The following RNF220 variants were observed in gnomAD, a reference collection of about 807,000 sequenced individuals.
RNF220 encodes E3 ubiquitin-protein ligase RNF220.
In RNF220, 7 loss-of-function variants were observed where a neutral mutation model predicts 67.1. The observed-to-expected ratio is 0.10, with a 90% CI of 0.06 to 0.20. The LOEUF is 0.20. Among genes scored for constraint, RNF220 ranks in the 10% least tolerant of loss-of-function variants. The pLI is 1.00. For synonymous variants in RNF220, 270 were observed against 283.2 expected, an observed-to-expected ratio of 0.95 and a Z score of 0.47; for missense variants, 565 against 740.3, an observed-to-expected ratio of 0.76 and a Z score of 2.75.
intron 2 of RNF220, among the ~76,000 whole-genome samples, chr1:44,501,046 G>GTGGGGA (rs1657808756): frequency 6.6e-6 from 1 of 150,844 alleles, no homozygotes; most frequent in South Asian, 2.1e-4. Context: ...GCAGAAGGCT[G>GTGGGGA]TGGGGGTGGG....
At chr1:44,567,320 G>A (rs1179312930) in intron 2 of RNF220, among the ~76,000 whole-genome samples, 1 of 152,102 alleles carries the variant, frequency 6.6e-6, no homozygotes, top group Non-Finnish European at 1.5e-5. Context: ...CATAGCAAGA[G>A]GGTGAAGGGA....
intron 2 of RNF220, among the ~76,000 whole-genome samples, chr1:44,570,309 G>A (rs1664342664): frequency 6.6e-6 from 1 of 152,162 alleles, no homozygotes; most frequent in East Asian, 1.9e-4. Flanking sequence ...ATCCAGCGCT[G>A]TCCCTTTCCC....
intron 2 of RNF220, among the ~76,000 whole-genome samples, chr1:44,467,403 G>A (rs1654371871): frequency 6.6e-6 from 1 of 152,206 alleles, no homozygotes; most frequent in Non-Finnish European, 1.5e-5. Flanking sequence ...TAGAGGCAGG[G>A]TTTCTCCATG....
At chr1:44,613,930 G>A (rs1357194463) in intron 2 of RNF220, among the ~76,000 whole-genome samples, 2 of 152,170 alleles carry the variant, frequency 1.3e-5, no homozygotes, top group Non-Finnish European at 2.9e-5. Flanking sequence ...CATGGGGGAT[G>A]TGTCCTAATA....
At chr1:44,630,508 G>A (rs1264688799) in intron 5 of RNF220, among the ~76,000 whole-genome samples, 3 of 152,242 alleles carry the variant, frequency 2.0e-5, no homozygotes, top group Non-Finnish European at 4.4e-5. Flanking sequence ...TCCCACTGGT[G>A]TCTCCTTCAT....
intron 2 of RNF220, among the ~76,000 whole-genome samples, chr1:44,448,313 G>A (rs566159696): frequency 6.6e-6 from 1 of 152,068 alleles, no homozygotes; most frequent in African/African-American, 2.4e-5. Flanking sequence ...TAAGTAAATC[G>A]ACATTCTGGT....
At chr1:44,524,647 T>C (rs1660221030) in intron 2 of RNF220, among the ~76,000 whole-genome samples, 1 of 152,268 alleles carries the variant, frequency 6.6e-6, no homozygotes, top group South Asian at 2.1e-4. Flanking sequence ...CTATTTTTAT[T>C]ACACGCTTAT....
chr1:44,543,167 C>A (rs913469165), intron 2 of RNF220, among the ~76,000 whole-genome samples: 3 of 152,146 alleles, frequency 2.0e-5, no homozygotes, highest in African/African-American at 7.2e-5. Flanking sequence ...CAGCCCATCC[C>A]CAGGCCTTCC....
chr1:44,462,818 G>C (rs1257846989), intron 2 of RNF220, among the ~76,000 whole-genome samples: 1 of 148,296 alleles, frequency 6.7e-6, no homozygotes, highest in African/African-American at 2.5e-5. Flanking sequence ...CACAAGGTCA[G>C]GAGATCGAGA....
intron 2 of RNF220, among the ~76,000 whole-genome samples, chr1:44,524,696 C>T (rs1468363300): frequency 6.6e-6 from 1 of 152,172 alleles, no homozygotes; most frequent in East Asian, 1.9e-4. Context: ...GATTTCCTTT[C>T]CTTTCTCCCC....
chr1:44,495,077 G>T (rs1473086196), intron 2 of RNF220, among the ~76,000 whole-genome samples: 1 of 152,078 alleles, frequency 6.6e-6, no homozygotes, highest in Admixed American at 6.5e-5. Context: ...GCTGGGTGTG[G>T]TGGCACACAC....
chr1:44,529,077 G>A, intron 2 of RNF220, among the ~76,000 whole-genome samples: 1 of 152,024 alleles, frequency 6.6e-6, no homozygotes, highest in East Asian at 1.9e-4. Context: ...CTTTATTTTA[G>A]TAATTCCCTT....
At chr1:44,620,635 G>A (rs985122694) in intron 3 of RNF220, among the ~76,000 whole-genome samples, 1 of 152,224 alleles carries the variant, frequency 6.6e-6, no homozygotes. Flanking sequence ...ACCTGTTGTA[G>A]CTAGCCTTCC....
chr1:44,561,008 C>A (rs767983976), intron 2 of RNF220, among the ~76,000 whole-genome samples: 1 of 152,206 alleles, frequency 6.6e-6, no homozygotes, highest in Non-Finnish European at 1.5e-5. Flanking sequence ...TTAATTCTTT[C>A]ATTCAGCAAA....
chr1:44,640,781 C>T (rs1183208960), intron 8 of RNF220, among the ~76,000 whole-genome samples: 1 of 152,236 alleles, frequency 6.6e-6, no homozygotes, highest in Non-Finnish European at 1.5e-5. Flanking sequence ...TTACACAAGA[C>T]ACCGTAACTG....
At chr1:44,480,289 C>T (rs1044702579) in intron 2 of RNF220, among the ~76,000 whole-genome samples, 2 of 152,034 alleles carry the variant, frequency 1.3e-5, no homozygotes, top group African/African-American at 4.8e-5. Flanking sequence ...TGCCTGTAGT[C>T]CCAGCTACTC....
At chr1:44,615,847 A>G (rs1053783641) in intron 3 of RNF220, among the ~76,000 whole-genome samples, 1 of 152,236 alleles carries the variant, frequency 6.6e-6, no homozygotes, top group African/African-American at 2.4e-5. Context: ...TACATGTATT[A>G]TCTCAGTTTC....
chr1:44,549,645 C>T (rs763900945), intron 2 of RNF220, among the ~76,000 whole-genome samples: 1 of 152,156 alleles, frequency 6.6e-6, no homozygotes, highest in Non-Finnish European at 1.5e-5. Context: ...CCTCCCCTTC[C>T]TCCTGCTGCT....
chr1:44,467,602 T>C (rs1465436914), intron 2 of RNF220, among the ~76,000 whole-genome samples: 1 of 152,272 alleles, frequency 6.6e-6, no homozygotes, highest in Non-Finnish European at 1.5e-5. Context: ...AGGCTTTGGC[T>C]TCAGGGAATG....
Sources: allele counts gnomAD v4.1 joint callset (sites outside exome capture counted in the v4.1 genomes callset), GRCh38; gene constraint gnomAD v4.1.1; transcripts MANE v1.5; gene names NCBI Gene and HGNC (gene_info 2026-07-23, HGNC 2026-07-21).